Variants in CHD9 observed in about 807,000 individuals in gnomAD.
CHD9 encodes the protein ATP-dependent chromatin remodeler CHD9.
Under a neutral mutation model 316.1 loss-of-function variants are expected in CHD9, and 77 were observed. That is an observed-to-expected ratio of 0.24 (90% confidence interval 0.20 to 0.29). The LOEUF (loss-of-function observed/expected upper bound fraction) is 0.29. Ranked by LOEUF, CHD9 falls within the 10% of genes least tolerant of loss-of-function variation. The pLI is 1.00. For synonymous variants in CHD9, 1,129 were observed against 1,158.3 expected (o/e 0.97, Z 0.51); for missense variants, 2,763 against 3,438.1 (o/e 0.80, Z 4.91).
chr16:53,104,919 G>A (rs776288468), intron 1 of CHD9, among the ~76,000 whole-genome samples: 5 of 151,258 alleles, frequency 3.3e-5, no homozygotes, highest in East Asian at 1.9e-4. Flanking sequence ...CTTGAGCCCC[G>A]AACGCCTGGG....
intron 18 of CHD9, 118 bp from the exon 19 acceptor site, chr16:53,255,482 C>T: frequency 1.2e-6 from 1 of 804,364 alleles, no homozygotes; most frequent in East Asian, 2.6e-5. Flanking sequence ...TTATGCGCAT[C>T]CCAAACCCAA....
At chr16:53,272,786 G>A (rs1276780017) in intron 22 of CHD9, among the ~76,000 whole-genome samples, 1 of 152,110 alleles carries the variant, frequency 6.6e-6, no homozygotes, top group African/African-American at 2.4e-5. Context: ...CAAATTCAGG[G>A]TAGTGGTAAT....
rs2038900797 is a variant in CHD9, at chr16:53,124,845, A to G, written c.-164-31081A>G. Among the ~76,000 whole-genome samples the G allele has an allele frequency of 2.0e-5, 3 of 151,100 alleles. No individual in the cohort carries two copies. The South Asian group carries it at 6.2e-4, about 31-fold the overall frequency. Reference sequence around the variant, plus strand: ...CACCCTCATGATTTAATTACCTCCCACTGGGGCCCTCCCACTACACGTGGG... The same window carrying G: ...CACCCTCATGATTTAATTACCTCCCGCTGGGGCCCTCCCACTACACGTGGG... On this transcript the variant is annotated intron_variant, in intron 1 of 38. Transcript: ENST00000447540.
At chr16:53,280,259 C>T (rs978073123) in intron 24 of CHD9, among the ~76,000 whole-genome samples, 4 of 152,170 alleles carry the variant, frequency 2.6e-5, no homozygotes, top group South Asian at 2.1e-4. Flanking sequence ...TTGCAAAAAA[C>T]GTGGAACCAA....
In CHD9 at chr16:53,273,725, A is replaced by G; in HGVS notation, c.4817A>G (p.Asn1606Ser). The G allele has an allele frequency of 1.2e-6, 2 of 1,613,616 alleles. No individual in the cohort carries two copies. Among genetic ancestry groups the G allele is most frequent in the Non-Finnish European group, 1.7e-6 (2 of 1,179,658 alleles). The change falls in exon 23 of 39, where the codon AAT becomes AGT. Residue 1606 changes from asparagine (N) to serine (S), a missense_variant. Asn to Ser is a conservative substitution (Grantham distance 46). This residue lies in a region of CHD9 where 99 missense variants were observed against 131.6 expected (regional missense o/e 0.75). Transcript: ENST00000447540. ...IQKAEWLRKY[N>S]PEQLLQDEGY... ...AAAGCAGAATGGCTTCGAAAATATA[A>G]TCCCGAGCAGCTCCTTCAAGATGAA...
At chr16:53,165,981 A>G (rs949624579) in intron 2 of CHD9, among the ~76,000 whole-genome samples, 35 of 152,118 alleles carry the variant, frequency 2.3e-4, no homozygotes, top group Non-Finnish European at 5.9e-5. Flanking sequence ...TGCATTTGGC[A>G]TGGTATTACT....
At chr16:53,206,033 A>G (rs1197239264) in intron 2 of CHD9, among the ~76,000 whole-genome samples, 1 of 151,730 alleles carries the variant, frequency 6.6e-6, no homozygotes, top group Non-Finnish European at 1.5e-5. Flanking sequence ...GCTCACCACA[A>G]CCTCCGCCTC....
intron 17 of CHD9, among the ~76,000 whole-genome samples, chr16:53,253,145 A>C (rs959376403): frequency 6.6e-6 from 1 of 152,042 alleles, no homozygotes; most frequent in Admixed American, 6.6e-5. Flanking sequence ...TGTGGAACCA[A>C]CCCAAATGCC....
chr16:53,324,263 A>C lies in CHD9; in HGVS notation c.8062A>C (p.Thr2688Pro), dbSNP rs567648362. The stretch of plus-strand genomic sequence containing the variant: ...ACAAAACTTGCAGTCACTGCAAGTA[A>C]CTGCTGGGTTGATGGGAATGCCTAC... ...NLQNLQSLQV[T>P]AGLMGMPTGL... Residue 2688 changes from threonine (T) to proline (P), a missense_variant, in exon 39 of 39, where the codon ACT becomes CCT. Physicochemically the swap from Thr to Pro is conservative, Grantham distance 38. This residue lies in a region of CHD9 where 298 missense variants were observed against 380.2 expected (regional missense o/e 0.78). Coordinates refer to ENST00000447540, the MANE Select transcript of CHD9 (RefSeq NM_001308319.2). The C allele has an allele frequency of 2.5e-6, 4 of 1,614,024 alleles. No homozygotes were observed. The South Asian group carries it at 4.4e-5, about 18-fold the overall frequency.
At chr16:53,211,806 C>A (rs2046357051) in intron 3 of CHD9, among the ~76,000 whole-genome samples, 1 of 152,116 alleles carries the variant, frequency 6.6e-6, no homozygotes, top group South Asian at 2.1e-4. Context: ...AAATGAAATT[C>A]ATATACAATC....
At chr16:53,106,728 C>T (rs2037389480) in intron 1 of CHD9, among the ~76,000 whole-genome samples, 1 of 152,032 alleles carries the variant, frequency 6.6e-6, no homozygotes, top group Non-Finnish European at 1.5e-5. Context: ...TAGCATCCTG[C>T]TTCCCAAAAT....
intron 1 of CHD9, among the ~76,000 whole-genome samples, chr16:53,125,078 G>T (rs928563806): frequency 6.6e-6 from 1 of 152,022 alleles, no homozygotes; most frequent in African/African-American, 2.4e-5. Flanking sequence ...TTGAAGAAAT[G>T]TCTACTCAGA....
At chr16:53,193,907 ATATAC>A (rs2044680146) in intron 2 of CHD9, among the ~76,000 whole-genome samples, 1 of 152,198 alleles carries the variant, frequency 6.6e-6, no homozygotes, top group Admixed American at 6.5e-5. Context: ...AATAACTATA[ATATAC>A]TATAGTAATA....
intron 1 of CHD9, among the ~76,000 whole-genome samples, chr16:53,140,913 G>A (rs1013335177): frequency 6.6e-6 from 1 of 152,174 alleles, no homozygotes; most frequent in African/African-American, 2.4e-5. Context: ...ACTAAATTAA[G>A]TGGGAATGCC....
At chr16:53,170,307 TA>T (rs1295117077) in intron 2 of CHD9, among the ~76,000 whole-genome samples, 1 of 152,168 alleles carries the variant, frequency 6.6e-6, no homozygotes, top group Non-Finnish European at 1.5e-5. Flanking sequence ...AATGTGTTTA[TA>T]AAAAATGTGT....
At chr16:53,097,354 CCCTTCCTTCCTTCCTTCCTT>C (rs58688221) in intron 1 of CHD9, among the ~76,000 whole-genome samples, 12 of 92,162 alleles carry the variant, frequency 1.3e-4, no homozygotes, top group African/African-American at 4.5e-4. Context: ...ACCTCGCTCT[CCCTTCCTTCCTTCCTTCCTT>C]CCTTCCTTCC....
rs566155187 is a variant in CHD9 at position 53,123,740 on chromosome 16, G to A, written c.-164-32186G>A. Among the ~76,000 whole-genome samples, 7 of 152,168 alleles carry A rather than the reference G, an allele frequency of 4.6e-5. No individual in the cohort carries two copies. The South Asian group carries it at 1.5e-3, about 32-fold the overall frequency. On this transcript the variant is annotated intron_variant, in intron 1 of 38. Coordinates refer to ENST00000447540, the MANE Select transcript of CHD9 (RefSeq NM_001308319.2). ...TGGTCTCGAACTCCTGACCTCAAGT[G>A]ATCTGCCCACCTCGGCCTCCCAAAA... is the stretch of plus-strand genomic sequence containing the variant.
chr16:53,243,740 T>C (rs1235957776), intron 13 of CHD9, among the ~76,000 whole-genome samples: 1 of 152,276 alleles, frequency 6.6e-6, no homozygotes, highest in Non-Finnish European at 1.5e-5. Context: ...GTTTAACATA[T>C]GTTGGTTATA....
At position 53,258,492 on chromosome 16, in the gene CHD9, G is replaced by T. The variant is rs570593311; in HGVS notation, c.4209+2713G>T. ...TTCATTCCCATAGTTGTATGGGAAT[G>T]CTATTAGATACTGGACATTTGCCAA... is the stretch of plus-strand genomic sequence containing the variant. On this transcript the variant is annotated intron_variant, in intron 19 of 38. Coordinates refer to ENST00000447540, the MANE Select transcript of CHD9 (RefSeq NM_001308319.2). Among the ~76,000 whole-genome samples the T allele has an allele frequency of 5.3e-5, 8 of 152,220 alleles. No individual in the cohort carries two copies. In the South Asian group the frequency reaches 1.7e-3, roughly 32 times the overall value.
Sources: allele counts gnomAD v4.1 joint callset (sites outside exome capture counted in the v4.1 genomes callset), GRCh38; gene constraint gnomAD v4.1.1; regional missense constraint gnomAD v4.1.1; transcripts MANE v1.5; gene names NCBI Gene and HGNC (gene_info 2026-07-23, HGNC 2026-07-21).